Variants in SUGCT observed in about 807,000 individuals in gnomAD.
The protein encoded by SUGCT is succinyl-CoA:glutarate-CoA transferase.
SUGCT carries 41 observed loss-of-function variants against 55.0 expected under a neutral mutation model. The observed-to-expected ratio is 0.74, with a 90% CI of 0.58 to 0.97. The LOEUF is 0.97. SUGCT is among the 50% of genes least tolerant of loss of function. SUGCT has a pLI of 0.00. For missense variants in SUGCT, 568 were observed against 547.8 expected (o/e 1.04, Z -0.37); for synonymous variants, 187 against 200.4 (o/e 0.93, Z 0.56).
chr7:40,304,719 GAATAATAAT>G (rs199825643), intron 8 of SUGCT, among the ~76,000 whole-genome samples: 2 of 63,246 alleles, frequency 3.2e-5, no homozygotes, highest in African/African-American at 7.1e-5. Flanking sequence ...ACTTCACTTA[GAATAATAAT>G]AATAATAATA....
chr7:41,018,005 G>C, the SUGCT span, among the ~76,000 whole-genome samples: 1 of 151,388 alleles, frequency 6.6e-6, no homozygotes, highest in Non-Finnish European at 1.5e-5. Flanking sequence ...AAGCCACAAT[G>C]GGCTAGATGG....
the SUGCT span, among the ~76,000 whole-genome samples, chr7:41,001,966 G>C: frequency 6.6e-6 from 1 of 152,184 alleles, no homozygotes; most frequent in Non-Finnish European, 1.5e-5. Flanking sequence ...AAAGACAAGA[G>C]TGCATGAGAG....
rs531987721 is a variant in SUGCT at position 40,584,599 on chromosome 7, A to G, written c.1089+88213A>G. Among the ~76,000 whole-genome samples, 7 of 152,298 alleles carry G rather than the reference A, an allele frequency of 4.6e-5. No homozygotes were observed. In the East Asian group the frequency reaches 1.4e-3, roughly 29 times the overall value. The stretch of plus-strand genomic sequence containing the variant: ...GCCATTATCTCATTTGACCATCACA[A>G]CACTCCATCAAAGTAATTAAGGACA... On this transcript the variant is annotated intron_variant, in intron 12 of 13. Transcript: ENST00000335693.
At chr7:40,561,835 G>A (rs1795855102) in intron 12 of SUGCT, among the ~76,000 whole-genome samples, 1 of 151,332 alleles carries the variant, frequency 6.6e-6, no homozygotes, top group South Asian at 2.1e-4. Flanking sequence ...GGGATTACAG[G>A]TGCACACCAC....
the SUGCT span, among the ~76,000 whole-genome samples, chr7:40,870,400 C>G: frequency 2.7e-3 from 418 of 152,272 alleles, 12 homozygotes; most frequent in Admixed American, 0.021. Flanking sequence ...ACATGATCTT[C>G]TGTGTGCCAT....
intron 9 of SUGCT, among the ~76,000 whole-genome samples, chr7:40,345,023 A>G (rs1797239636): frequency 6.6e-6 from 1 of 152,008 alleles, no homozygotes; most frequent in Non-Finnish European, 1.5e-5. Flanking sequence ...GGGGTCCCCC[A>G]GAGTTCATAT....
chr7:40,995,382 G>GTTATTATTATTA, the SUGCT span, among the ~76,000 whole-genome samples: 10,750 of 145,476 alleles, frequency 0.074, 434 homozygotes, highest in Middle Eastern at 0.12. Context: ...TATAATAGCT[G>GTTATTATTATTA]TTATTATTAT....
At chr7:40,717,805 A>C (rs1017112765) in intron 12 of SUGCT, among the ~76,000 whole-genome samples, 2 of 152,210 alleles carry the variant, frequency 1.3e-5, no homozygotes, top group African/African-American at 4.8e-5. Context: ...TTTTCTAAGA[A>C]AATATCCATA....
intron 12 of SUGCT, among the ~76,000 whole-genome samples, chr7:40,663,485 A>ATGTGTGTGTG (rs59033010): frequency 8.1e-5 from 11 of 135,062 alleles, no homozygotes; most frequent in African/African-American, 2.4e-4. Context: ...TTTGTGGTGT[A>ATGTGTGTGTG]TGTGTGTGTG....
intron 7 of SUGCT, among the ~76,000 whole-genome samples, chr7:40,244,384 A>C (rs923718092): frequency 6.6e-6 from 1 of 152,150 alleles, no homozygotes; most frequent in Admixed American, 6.6e-5. Flanking sequence ...TAGGGAAAAC[A>C]ATAGGCCAGT....
chr7:40,536,444 G>A (rs1225413621), intron 12 of SUGCT, among the ~76,000 whole-genome samples: 2 of 152,192 alleles, frequency 1.3e-5, no homozygotes, highest in East Asian at 3.8e-4. Flanking sequence ...CAATTAAGTA[G>A]GAGGCAAGAT....
chr7:41,004,643 A>G, the SUGCT span, among the ~76,000 whole-genome samples: 2 of 152,212 alleles, frequency 1.3e-5, no homozygotes, highest in Admixed American at 1.3e-4. Flanking sequence ...GCTATGGAAG[A>G]CAAGAGCTAT....
intron 8 of SUGCT, among the ~76,000 whole-genome samples, chr7:40,312,977 T>C (rs1046594599): frequency 6.6e-6 from 1 of 152,164 alleles, no homozygotes; most frequent in Non-Finnish European, 1.5e-5. Flanking sequence ...TCGGTGGAAG[T>C]GGAGCATGTG....
At chr7:40,684,735 A>G (rs960991711) in intron 12 of SUGCT, among the ~76,000 whole-genome samples, 2 of 152,194 alleles carry the variant, frequency 1.3e-5, no homozygotes, top group African/African-American at 2.4e-5. Context: ...ATAATCTTAT[A>G]TCACTATTTT....
intron 7 of SUGCT, among the ~76,000 whole-genome samples, chr7:40,252,790 C>T (rs552669229): frequency 5.3e-5 from 8 of 152,066 alleles, no homozygotes; most frequent in South Asian, 4.2e-4. Flanking sequence ...TGGGACTATA[C>T]GCACATGCCA....
chr7:40,555,330 T>G (rs1164988859), intron 12 of SUGCT, among the ~76,000 whole-genome samples: 1 of 151,468 alleles, frequency 6.6e-6, no homozygotes, highest in Non-Finnish European at 1.5e-5. Flanking sequence ...TGATTAGGCC[T>G]CATGGAATTC....
the SUGCT span, among the ~76,000 whole-genome samples, chr7:40,887,495 T>G: frequency 6.6e-6 from 1 of 152,174 alleles, no homozygotes; most frequent in Non-Finnish European, 1.5e-5. Flanking sequence ...AGAAAAGTAG[T>G]GAAGACAGAG....
intron 13 of SUGCT, among the ~76,000 whole-genome samples, chr7:40,754,602 A>T (rs1358790314): frequency 2.0e-5 from 3 of 152,150 alleles, no homozygotes; most frequent in Non-Finnish European, 4.4e-5. Context: ...TTCCTTGGAG[A>T]ATCAGGGGCT....
intron 12 of SUGCT, among the ~76,000 whole-genome samples, chr7:40,641,823 T>C (rs909572898): frequency 2.6e-5 from 4 of 152,208 alleles, no homozygotes; most frequent in African/African-American, 9.7e-5. Flanking sequence ...AGGCTTGGGT[T>C]TTCACATCCA....
Sources: gnomAD v4.1 joint callset for allele counts (sites outside exome capture counted in the v4.1 genomes callset) on GRCh38, gnomAD v4.1.1 for gene constraint, MANE v1.5 for transcripts, NCBI Gene and HGNC (gene_info 2026-07-23, HGNC 2026-07-21) for gene names.